The following SLMAP variants were observed in gnomAD, a reference collection of about 807,000 sequenced individuals.
SLMAP encodes the protein sarcolemmal membrane-associated protein.
Under a neutral mutation model 128.8 loss-of-function variants are expected in SLMAP, and 44 were observed. The ratio of observed to expected loss-of-function variants is 0.34; its 90% CI spans 0.27 to 0.44. The LOEUF is 0.44. SLMAP is among the 20% of genes least tolerant of loss of function. The pLI is 1.00. For missense variants in SLMAP, 787 were observed against 985.3 expected, an observed-to-expected ratio of 0.80 and a Z score of 2.69; for synonymous variants, 327 against 348.8, an observed-to-expected ratio of 0.94 and a Z score of 0.70.
At chr3:57,781,060 AAG>A (rs2082955143) in intron 2 of SLMAP, among the ~76,000 whole-genome samples, 1 of 151,770 alleles carries the variant, frequency 6.6e-6, no homozygotes, top group African/African-American at 2.4e-5. Flanking sequence ...ATAAAATAAT[AAG>A]ATACAAAAAA....
intron 5 of SLMAP, among the ~76,000 whole-genome samples, chr3:57,847,660 TTTTTAC>T (rs1306108775): frequency 1.6e-4 from 25 of 152,212 alleles, no homozygotes; most frequent in Non-Finnish European, 2.9e-4. Flanking sequence ...TGAAGGTTAC[TTTTTAC>T]CTGATCTGAT....
intron 2 of SLMAP, among the ~76,000 whole-genome samples, chr3:57,774,547 C>T (rs1031677214): frequency 1.3e-5 from 2 of 148,404 alleles, no homozygotes; most frequent in Admixed American, 6.6e-5. Flanking sequence ...ATTATTGAGA[C>T]GAAGTCTTAC....
chr3:57,925,185 C>T (rs2096983339), intron 23 of SLMAP, among the ~76,000 whole-genome samples: 1 of 151,758 alleles, frequency 6.6e-6, no homozygotes, highest in Non-Finnish European at 1.5e-5. Flanking sequence ...AAACTCCTGG[C>T]CTTAAGCAAT....
intron 2 of SLMAP, among the ~76,000 whole-genome samples, chr3:57,808,256 CT>C (rs2090285828): frequency 6.6e-6 from 1 of 152,014 alleles, no homozygotes; most frequent in African/African-American, 2.4e-5. Context: ...TCTGTATCTC[CT>C]TTAGTTCTGC....
chr3:57,763,551 A>G (rs2079092363), intron 2 of SLMAP, among the ~76,000 whole-genome samples: 1 of 152,140 alleles, frequency 6.6e-6, no homozygotes. Context: ...TTAGGATTAC[A>G]GGTGTGAGCC....
chr3:57,769,200 A>AT lies in SLMAP; in HGVS notation c.198+11361dup, dbSNP rs1001902691. On this transcript the variant is annotated intron_variant, in intron 2 of 24. Coordinates refer to ENST00000671191, the MANE Select transcript of SLMAP (RefSeq NM_001377540.1). The stretch of plus-strand genomic sequence containing the variant: ...CCAAAAAGGATTTTCATTTTATTTT[A>AT]TTTTTTTTTTGAGATGGAGTCTTGC... Among the ~76,000 whole-genome samples, 214 of 148,248 alleles carry AT rather than the reference A, an allele frequency of 1.4e-3. 1 individual carries two copies. Among genetic ancestry groups the AT allele is most frequent in the African/African-American group, 4.1e-3 (168 of 40,486 alleles).
chr3:57,860,938 T>C, intron 9 of SLMAP, 99 bp downstream of exon 9: 1 of 942,008 alleles, frequency 1.1e-6, no homozygotes, highest in South Asian at 1.8e-5. Context: ...ATTATATAGT[T>C]AGGAAATACT....
At chr3:57,919,605 A>G (rs1214799353) in intron 22 of SLMAP, among the ~76,000 whole-genome samples, 1 of 151,774 alleles carries the variant, frequency 6.6e-6, no homozygotes, top group Non-Finnish European at 1.5e-5. Flanking sequence ...GACCAGCCTG[A>G]TCAACATGGA....
chr3:57,856,389 T>C (rs952613928), intron 6 of SLMAP, among the ~76,000 whole-genome samples: 1 of 152,232 alleles, frequency 6.6e-6, no homozygotes, highest in African/African-American at 2.4e-5. Context: ...ATATTGTTTC[T>C]ATTCTTAATT....
At chr3:57,871,719 A>G (rs1243269712) in intron 14 of SLMAP, 21 bp downstream of exon 14, 1 of 1,579,442 alleles carries the variant, frequency 6.3e-7, no homozygotes, top group Non-Finnish European at 8.7e-7. Context: ...AGTATTTTTC[A>G]CATTGATTTT....
chr3:57,926,193 C>G, intron 24 of SLMAP: 2 of 445,246 alleles, frequency 4.5e-6, no homozygotes, highest in African/African-American at 2.0e-5. Flanking sequence ...CTTCCATTAA[C>G]TGAGTCTTTA....
chr3:57,757,499 A>T lies in SLMAP; in HGVS notation c.-153A>T. 1.5e-6 allele frequency: 1 copy of T among 673,152 alleles called. No homozygotes were observed. The highest frequency in any genetic ancestry group is 2.6e-6 in the Non-Finnish European group (1 of 390,038). The allele number at this position is 673,152 out of a possible 1,614,324, so 41.7% of individuals were successfully genotyped here. A position where few individuals can be genotyped will look rare whatever the true frequency, so the allele number is the denominator to read the frequency against. ...GGCTTGTCTTCCCACCCAAGTGAAGAGTTGATGTTCACTGGTTATGCTTAG... is the reference window on the plus strand; with the variant it reads ...GGCTTGTCTTCCCACCCAAGTGAAGTGTTGATGTTCACTGGTTATGCTTAG... On this transcript the variant is annotated 5_prime_UTR_variant, in exon 2 of 25. Transcript: ENST00000671191.
intron 2 of SLMAP, among the ~76,000 whole-genome samples, chr3:57,798,711 C>G (rs1366522107): frequency 6.6e-6 from 1 of 152,130 alleles, no homozygotes; most frequent in African/African-American, 2.4e-5. Flanking sequence ...TAGCCAAATG[C>G]TGTTAAGAGA....
At chr3:57,874,625 C>T (rs62259038) in intron 14 of SLMAP, among the ~76,000 whole-genome samples, 20,108 of 151,242 alleles carry the variant, frequency 0.13, 1,716 homozygotes, top group Non-Finnish European at 0.19. Context: ...TTTGGGAGGC[C>T]GAGACTGGTG....
chr3:57,821,301 A>C (rs1381351472), intron 2 of SLMAP, among the ~76,000 whole-genome samples: 2 of 152,168 alleles, frequency 1.3e-5, no homozygotes, highest in South Asian at 2.1e-4. Flanking sequence ...GAACACATCT[A>C]GAATGTCACT....
At chr3:57,787,449 A>C (rs1181857512) in intron 2 of SLMAP, among the ~76,000 whole-genome samples, 4 of 152,168 alleles carry the variant, frequency 2.6e-5, no homozygotes, top group African/African-American at 9.6e-5. Flanking sequence ...ATAGGAAATG[A>C]CATGAATTAT....
chr3:57,841,105 T>A (rs1371883855), intron 3 of SLMAP, among the ~76,000 whole-genome samples, 194 bp from the exon 4 acceptor site: 3 of 152,194 alleles, frequency 2.0e-5, no homozygotes, highest in Admixed American at 2.0e-4. Context: ...CTATCCTTAT[T>A]TCTACCTTGA....
intron 2 of SLMAP, among the ~76,000 whole-genome samples, chr3:57,790,091 C>G (rs1466236552): frequency 6.6e-6 from 1 of 152,200 alleles, no homozygotes; most frequent in Non-Finnish European, 1.5e-5. Context: ...CCTGCCTCAG[C>G]CTCCCAAAGT....
intron 2 of SLMAP, among the ~76,000 whole-genome samples, chr3:57,787,018 G>T (rs563767474): frequency 1.2e-3 from 190 of 152,254 alleles, no homozygotes; most frequent in African/African-American, 4.4e-3. Flanking sequence ...TTACAGGCGT[G>T]AGCCACCGCA....
Sources: allele counts gnomAD v4.1 joint callset (sites outside exome capture counted in the v4.1 genomes callset), GRCh38; gene constraint gnomAD v4.1.1; transcripts MANE v1.5; gene names NCBI Gene and HGNC (gene_info 2026-07-23, HGNC 2026-07-21).